CSAG3: variants seen among roughly 807,000 people sequenced by gnomAD.
CSAG3 encodes CSAG family member 3.
For synonymous variants in CSAG3, 4 were observed against 34.0 expected (o/e 0.12, Z 3.07); for missense variants, 15 against 93.0 (o/e 0.16, Z 3.45).
upstream of CSAG3, among the ~76,000 whole-genome samples, chrX:152,757,660 C>T (rs1328861805): frequency 1.4e-4 from 7 of 49,671 alleles, no homozygotes; most frequent in Non-Finnish European, 2.3e-4. Context: ...AAATGAAATA[C>T]ATTTTGGATG....
At chrX:152,755,537 AATATTCCGC>A, upstream of CSAG3, among the ~76,000 whole-genome samples, 1 of 113,426 alleles carries the variant, frequency 8.8e-6, no homozygotes, top group East Asian at 2.8e-4. Context: ...GATGCACTTG[AATATTCCGC>A]ATACCTTTTC....
Position 152,759,401 on chromosome X carries a change from G to GGTGTTAA in CSAG3, c.33_39dup (p.Arg14CysfsTer2). 1.2e-6 allele frequency: 1 copy of GGTGTTAA among 868,596 alleles called. No homozygotes were observed. The highest frequency in any genetic ancestry group is 1.7e-6 in the Non-Finnish European group (1 of 596,288). The allele number at this position is 868,596 out of a possible 1,213,427, so 71.6% of individuals were successfully genotyped here. ...GATGGGCCTCATCCAATTAGTTGAAGGTGTTAAGAGAAAAGACCAAGGTTT... is the reference window on the plus strand; with the variant it reads ...GATGGGCCTCATCCAATTAGTTGAAGGTGTTAAGTGTTAAGAGAAAAGACCAAGGTTT... On this transcript the variant is annotated frameshift_variant, in exon 1 of 2. Transcript: ENST00000599845. LOFTEE classifies it high-confidence loss of function.
chrX:152,759,704 TCTGA>T lies in CSAG3; in HGVS notation c.314+23_314+26del. ...ATCAAAGTGAACGGCCCACCCAAGC[TCTGA>T]CTCCTACCCTGTCCTCCCCTGGCAC... On this transcript the variant is annotated intron_variant, in intron 1 of 1. Transcript: ENST00000599845. 1 of 1,146,377 alleles carries T rather than the reference TCTGA, an allele frequency of 8.7e-7. No individual in the cohort carries two copies. Among genetic ancestry groups the T allele is most frequent in the Non-Finnish European group, 1.2e-6 (1 of 842,850 alleles). The allele number at this position is 1,146,377 out of a possible 1,213,427, so 94.5% of individuals were successfully genotyped here.
chrX:152,759,200 C>T (rs1932619326), upstream of CSAG3: 1 of 287,242 alleles, frequency 3.5e-6, no homozygotes, highest in African/African-American at 2.8e-5. Flanking sequence ...AGTTACATTT[C>T]TGTATGGTGC....
At chrX:152,757,682 G>T (rs1932589332), upstream of CSAG3, among the ~76,000 whole-genome samples, 1 of 41,545 alleles carries the variant, frequency 2.4e-5, no homozygotes, top group African/African-American at 1.6e-4. Flanking sequence ...TTCTATTTTT[G>T]GTGATTATGA....
upstream of CSAG3, chrX:152,758,826 TCTTTC>T (rs1932602296): frequency 1.3e-5 from 1 of 78,558 alleles, no homozygotes; most frequent in Non-Finnish European, 2.2e-5. Flanking sequence ...TCTCTCTCTC[TCTTTC>T]TCTCTCTCTC....
upstream of CSAG3, chrX:152,758,822 TCTCTCTTTCTC>T (rs1932601411): frequency 6.1e-5 from 5 of 82,541 alleles, no homozygotes; most frequent in African/African-American, 2.3e-4. Context: ...TCTCTCTCTC[TCTCTCTTTCTC>T]TCTCTCTCTC....
At chrX:152,758,805 TTCTCTCTCTCTCTCTCTCTCTCTTTC>T (rs1932599598), upstream of CSAG3, 21 of 55,667 alleles carry the variant, frequency 3.8e-4, no homozygotes, top group African/African-American at 1.4e-3. Context: ...TACATGACCT[TTCTCTCTCTCTCTCTCTCTCTCTTTC>T]TCTCTCTCTC....
At chrX:152,758,877 T>TCTCTCTCTCTCTCTCTCTC (rs1375603795), upstream of CSAG3, 17 of 50,206 alleles carry the variant, frequency 3.4e-4, 2 homozygotes, top group African/African-American at 8.9e-4. Flanking sequence ...CTCTCTCTCT[T>TCTCTCTCTCTCTCTCTCTC]TCTTTCTCTC....
At chrX:152,758,829 T>TCTTTCTCTCTCTCTCTCTCTCTCTC (rs1932603172), upstream of CSAG3, 2 of 50,635 alleles carry the variant, frequency 3.9e-5, no homozygotes, top group African/African-American at 7.2e-5. Flanking sequence ...CTCTCTCTCT[T>TCTTTCTCTCTCTCTCTCTCTCTCTC]TCTCTCTCTC....
upstream of CSAG3, among the ~76,000 whole-genome samples, chrX:152,755,718 AATG>A (rs1260882405): frequency 1.3e-5 from 1 of 76,376 alleles, no homozygotes; most frequent in African/African-American, 4.5e-5. Context: ...TCCTGACTTG[AATG>A]ATAATTCTTC....
upstream of CSAG3, chrX:152,759,142 A>G: frequency 1.1e-5 from 3 of 263,744 alleles, no homozygotes; most frequent in South Asian, 1.2e-4. Flanking sequence ...GTTTCCTCCT[A>G]GAAAAAAAAA....
upstream of CSAG3, chrX:152,758,865 C>CTT (rs1932609624): frequency 1.0e-5 from 1 of 95,282 alleles, no homozygotes; most frequent in Non-Finnish European, 2.0e-5. Context: ...CTCTCTCTCT[C>CTT]TCTCTCTCTC....
chrX:152,758,743 A>G (rs1181578064), upstream of CSAG3, among the ~76,000 whole-genome samples: 1 of 67,860 alleles, frequency 1.5e-5, no homozygotes, highest in Non-Finnish European at 2.7e-5. Context: ...ATCCCATAGA[A>G]TTAGTTTGGT....
chrX:152,759,377 A>G (rs1932624590), exon 1 of CSAG3: 1 of 685,453 alleles, frequency 1.5e-6, no homozygotes, highest in Non-Finnish European at 2.3e-6. Flanking sequence ...CATAATGTGG[A>G]TGGGCCTCAT....
At chrX:152,759,048 T>C (rs1932615437), upstream of CSAG3, 1 of 208,632 alleles carries the variant, frequency 4.8e-6, no homozygotes, top group Middle Eastern at 2.0e-3. Context: ...ATTTCTGTTG[T>C]TTTAGCTACT....
chrX:152,759,583 A>G (rs1470530655), exon 1 of CSAG3: 1 of 1,205,543 alleles, frequency 8.3e-7, no homozygotes, highest in East Asian at 3.0e-5. Context: ...TGTCCAGGAA[A>G]CCACGAGCCT....
chrX:152,758,752 G>C (rs1276822254), upstream of CSAG3, among the ~76,000 whole-genome samples: 3 of 69,948 alleles, frequency 4.3e-5, no homozygotes, highest in African/African-American at 5.7e-5. Context: ...AATTAGTTTG[G>C]TTATAAGAAG....
upstream of CSAG3, chrX:152,758,829 TTC>T (rs1170908672): frequency 0.057 from 2,852 of 50,250 alleles, 62 homozygotes; most frequent in East Asian, 0.13. Context: ...CTCTCTCTCT[TTC>T]TCTCTCTCTC....
Sources: allele counts gnomAD v4.1 joint callset (sites outside exome capture counted in the v4.1 genomes callset), GRCh38; gene constraint gnomAD v4.1.1; transcripts MANE v1.5; gene names NCBI Gene and HGNC (gene_info 2026-07-23, HGNC 2026-07-21).